The following BMS1 variants were observed in gnomAD, a reference collection of about 807,000 sequenced individuals.
BMS1 encodes BMS1 ribosome biogenesis factor.
In BMS1, 53 loss-of-function variants were observed where a neutral mutation model predicts 138.7. The ratio of observed to expected loss-of-function variants is 0.38; its 90% CI spans 0.31 to 0.48. The LOEUF is 0.48. Among genes scored for constraint, BMS1 ranks in the 20% least tolerant of loss-of-function variants. The probability of loss-of-function intolerance (pLI) is 0.97; values close to 1 mark genes in which losing one functional copy is unlikely to be tolerated. For synonymous variants in BMS1, 504 were observed against 539.9 expected (o/e 0.93, Z 0.92); for missense variants, 1,360 against 1,565.5 (o/e 0.87, Z 2.22).
chr10:42,832,519 A>C lies in BMS1; in HGVS notation c.*1423A>C, dbSNP rs1842818674. 6.6e-6 allele frequency: 1 copy of C among 152,186 alleles called. No individual in the cohort carries two copies. The highest frequency in any genetic ancestry group is 2.4e-5 in the African/African-American group (1 of 41,428). 9.4% of individuals were successfully genotyped at this position (152,186 alleles called of 1,614,324 possible). A position where few individuals can be genotyped will look rare whatever the true frequency, so the allele number is the denominator to read the frequency against. Reference sequence around the variant, plus strand: ...CCCATGCTGACCTCTGTGTTGTGCCAGTTATAGTATGTGTGCTGCTGATAT... The same window carrying C: ...CCCATGCTGACCTCTGTGTTGTGCCCGTTATAGTATGTGTGCTGCTGATAT... On this transcript the variant is annotated 3_prime_UTR_variant, in exon 23 of 23. Transcript: ENST00000374518.
At chr10:42,790,583 G>A (rs1841472240) in intron 5 of BMS1, 72 bp downstream of exon 5, 3 of 1,497,112 alleles carry the variant, frequency 2.0e-6, no homozygotes, top group South Asian at 2.4e-5. Context: ...GCCGGGTGCA[G>A]TGGCTAACAC....
intron 19 of BMS1, among the ~76,000 whole-genome samples, chr10:42,822,712 T>G (rs1339518024): frequency 6.6e-6 from 1 of 152,242 alleles, no homozygotes; most frequent in African/African-American, 2.4e-5. Flanking sequence ...TAAAATGTTC[T>G]TGCAATATAA....
In BMS1 at chr10:42,796,726, T is replaced by C; in HGVS notation, c.1482T>C (p.Ser494=). Residue 494 remains serine (S), a synonymous_variant, in exon 10 of 23, where the codon AGT becomes AGC. Transcript: ENST00000374518. ...GGAAACTTGAGTTGGAAGAAGACAG[T>C]GAAATGGATTTGCCAGCATTTGCTG... ...KRRKLELEED[S]EMDLPAFADS... 1.9e-6 allele frequency: 3 copies of C among 1,614,106 alleles called. No individual in the cohort carries two copies. Among genetic ancestry groups the C allele is most frequent in the Non-Finnish European group, 8.5e-7 (1 of 1,180,028 alleles).
intron 2 of BMS1, among the ~76,000 whole-genome samples, chr10:42,784,904 A>G (rs917047509): frequency 6.6e-6 from 1 of 152,234 alleles, no homozygotes; most frequent in Non-Finnish European, 1.5e-5. Context: ...AAAAATTACA[A>G]TATTTAATAC....
chr10:42,812,971 T>C, intron 13 of BMS1, among the ~76,000 whole-genome samples: 1 of 152,120 alleles, frequency 6.6e-6, no homozygotes, highest in Non-Finnish European at 1.5e-5. Flanking sequence ...GGCTAGGCCT[T>C]TGGGGCCCTG....
Position 42,802,198 on chromosome 10 carries a change from C to T in BMS1, c.2309C>T (p.Ala770Val). Reference sequence around the variant, plus strand: ...AAGTGGGAAGATGATAAAGATGCAGCCAAGGTCTTAGCAGAAGATGGTAAG... The same window carrying T: ...AAGTGGGAAGATGATAAAGATGCAGTCAAGGTCTTAGCAGAAGATGGTAAG... ...TGKWEDDKDAAKVLAEDEELY... is the reference protein window; with the variant it reads ...TGKWEDDKDAVKVLAEDEELY... The change falls in exon 13 of 23, where the codon GCC becomes GTC. Residue 770 changes from alanine (A) to valine (V), a missense_variant. Transcript: ENST00000374518. The T allele has an allele frequency of 6.2e-7, 1 of 1,613,304 alleles. No individual in the cohort carries two copies. The highest frequency in any genetic ancestry group is 8.5e-7 in the Non-Finnish European group (1 of 1,179,588).
intron 8 of BMS1, 86 bp from the exon 9 acceptor site, chr10:42,793,766 G>A (rs1841586273): frequency 6.8e-7 from 1 of 1,463,056 alleles, no homozygotes; most frequent in African/African-American, 1.4e-5. Context: ...ATGTGTCTAA[G>A]ATAATTTTGA....
chr10:42,806,475 G>A (rs377258273), intron 13 of BMS1, among the ~76,000 whole-genome samples: 2 of 152,170 alleles, frequency 1.3e-5, no homozygotes, highest in African/African-American at 2.4e-5. Context: ...AGTGGCTGAC[G>A]CCTATAATCC....
At chr10:42,792,415 G>A (rs1841532377) in intron 6 of BMS1, 78 bp from the exon 7 acceptor site, 1 of 1,555,122 alleles carries the variant, frequency 6.4e-7, no homozygotes. Context: ...ACAAGAGTGT[G>A]ATGAATCATT....
Position 42,811,521 on chromosome 10 carries a change from T to TTTC in BMS1, c.2330-5076_2330-5075insCTT, listed in dbSNP as rs1491499414. Among the ~76,000 whole-genome samples, 419 of 78,308 alleles carry TTTC rather than the reference T, an allele frequency of 5.4e-3. 4 individuals carry two copies. Among genetic ancestry groups the TTTC allele is most frequent in the Non-Finnish European group, 6.9e-3 (285 of 41,202 alleles). The allele number at this position is 78,308 out of a possible 152,430, so 51.4% of individuals were successfully genotyped here. Reference sequence around the variant, plus strand: ...ACAAATGTTCACGTGTTGTATTTTCTTTTTCTTTTTTTTTTTTTTTTGAGA... The same window carrying TTTC: ...ACAAATGTTCACGTGTTGTATTTTCTTTCTTTTCTTTTTTTTTTTTTTTTGAGA... On this transcript the variant is annotated intron_variant, in intron 13 of 22. Coordinates refer to ENST00000374518, the MANE Select transcript of BMS1 (RefSeq NM_014753.4).
At position 42,784,441 on chromosome 10, in the gene BMS1, C is replaced by A. The variant is rs150778467; in HGVS notation, c.47C>A (p.Pro16His). 2.5e-5 allele frequency: 41 copies of A among 1,612,882 alleles called. No homozygotes were observed. The highest frequency in any genetic ancestry group is 3.4e-5 in the Non-Finnish European group (40 of 1,179,804). The part of the protein sequence containing the change: ...QKKHRKKNSG[P>H]KAAKKKKRLL... ...AAACACAGAAAGAAAAACAGTGGAC[C>A]CAAAGCTGCAAAGAAAAAGAAGCGG... The change falls in exon 2 of 23, where the codon CCC becomes CAC. Residue 16 changes from proline (P) to histidine (H), a missense_variant. By Grantham distance (77) the Pro-to-His change is moderately conservative. This residue lies in a region of BMS1 where 238 missense variants were observed against 311.1 expected (regional missense o/e 0.77). Transcript: ENST00000374518.
At chr10:42,793,680 A>T (rs1003638028) in intron 8 of BMS1, among the ~76,000 whole-genome samples, 172 bp from the exon 9 acceptor site, 1 of 152,180 alleles carries the variant, frequency 6.6e-6, no homozygotes, top group African/African-American at 2.4e-5. Flanking sequence ...TTTAATGGAG[A>T]TGGGGATCCA....
intron 3 of BMS1, among the ~76,000 whole-genome samples, chr10:42,786,000 T>G (rs950140412): frequency 2.6e-5 from 4 of 152,168 alleles, no homozygotes; most frequent in African/African-American, 9.7e-5. Context: ...TAGAAGGATG[T>G]GTGGTCCAGC....
At chr10:42,792,856 G>A in intron 7 of BMS1, 101 bp from the exon 8 acceptor site, 3 of 1,401,836 alleles carry the variant, frequency 2.1e-6, no homozygotes, top group South Asian at 1.4e-5. Flanking sequence ...AGTGTTATGG[G>A]TTAAGCCCTT....
Position 42,797,182 on chromosome 10 carries a change from A to G in BMS1, c.1938A>G (p.Lys646=). ...CCAGTGATATAGAAAATTTACTCAA[A>G]GAGGAAGAAGATTACAAGGAAGAAA... ...DETSDIENLL[K]EEEDYKEENN... Residue 646 remains lysine, a synonymous_variant, in exon 10 of 23, where the codon AAA becomes AAG. Transcript: ENST00000374518. 6.2e-7 allele frequency: 1 copy of G among 1,611,332 alleles called. No individual in the cohort carries two copies. The highest frequency in any genetic ancestry group is 8.5e-7 in the Non-Finnish European group (1 of 1,179,204).
chr10:42,806,152 C>G (rs1242286577), intron 13 of BMS1, among the ~76,000 whole-genome samples: 1 of 152,136 alleles, frequency 6.6e-6, no homozygotes, highest in African/African-American at 2.4e-5. Context: ...TTCTCCTGTT[C>G]TGCACAATAA....
intron 21 of BMS1, among the ~76,000 whole-genome samples, chr10:42,826,172 A>C (rs949276726): frequency 6.6e-6 from 1 of 151,840 alleles, no homozygotes; most frequent in African/African-American, 2.4e-5. Context: ...ATTTGCTAAA[A>C]TTTTTTTAGG....
chr10:42,821,649 T>C (rs1842507153), intron 18 of BMS1, among the ~76,000 whole-genome samples: 1 of 147,014 alleles, frequency 6.8e-6, no homozygotes, highest in Non-Finnish European at 1.5e-5. Flanking sequence ...GCCTCCTGGG[T>C]TTAAGCGGTT....
chr10:42,804,795 G>A (rs1016989976), intron 13 of BMS1, among the ~76,000 whole-genome samples: 1 of 151,328 alleles, frequency 6.6e-6, no homozygotes, highest in Admixed American at 6.6e-5. Context: ...TCGGCTCACT[G>A]CAACCCCTGC....
Sources: allele counts gnomAD v4.1 joint callset (sites outside exome capture counted in the v4.1 genomes callset), GRCh38; gene constraint gnomAD v4.1.1; regional missense constraint gnomAD v4.1.1; transcripts MANE v1.5; gene names NCBI Gene and HGNC (gene_info 2026-07-23, HGNC 2026-07-21).